PDE10A: variants seen among roughly 807,000 people sequenced by gnomAD.
The protein encoded by PDE10A is phosphodiesterase 10A.
In PDE10A, 39 loss-of-function variants were observed where a neutral mutation model predicts 97.7. That is an observed-to-expected ratio of 0.40 (90% CI 0.31 to 0.52). The LOEUF is 0.52. Among genes scored for constraint, PDE10A ranks in the 20% least tolerant of loss-of-function variants. PDE10A has a pLI of 0.56. For missense variants in PDE10A, 731 were observed against 1,047.8 expected (o/e 0.70, Z 4.17); for synonymous variants, 371 against 376.8 (o/e 0.98, Z 0.18).
At chr6:165,896,283 C>T (rs2128483303) in intron 1 of PDE10A, among the ~76,000 whole-genome samples, 1 of 152,252 alleles carries the variant, frequency 6.6e-6, no homozygotes, top group South Asian at 2.1e-4. Flanking sequence ...ATATTGAGGA[C>T]AGCTTCCATG....
intron 1 of PDE10A, among the ~76,000 whole-genome samples, chr6:165,549,791 A>G (rs528614805): frequency 6.6e-6 from 1 of 152,310 alleles, no homozygotes; most frequent in South Asian, 2.1e-4. Flanking sequence ...CATCACCTTA[A>G]TATCTATAAA....
intron 1 of PDE10A, among the ~76,000 whole-genome samples, chr6:165,778,624 A>C (rs1353835039): frequency 6.6e-6 from 1 of 152,206 alleles, no homozygotes; most frequent in Non-Finnish European, 1.5e-5. Context: ...TACTGAATAC[A>C]CAGTGCCTGA....
chr6:165,567,149 T>C (rs891873908), intron 1 of PDE10A, among the ~76,000 whole-genome samples: 7 of 152,180 alleles, frequency 4.6e-5, no homozygotes, highest in African/African-American at 1.7e-4. Context: ...TGGAATAATA[T>C]GAGTGAAGTA....
chr6:165,435,623 C>T (rs1789959230), intron 5 of PDE10A, among the ~76,000 whole-genome samples: 1 of 152,180 alleles, frequency 6.6e-6, no homozygotes, highest in African/African-American at 2.4e-5. Flanking sequence ...CAGAAACACT[C>T]TTCAAATAGC....
rs1160249149 is a variant in PDE10A, at chr6:165,331,140, C to A, written c.*1885G>T. Reference sequence around the variant, plus strand: ...TGTATGTGTATGTATCATATATACACATATGTATACGTTTACATACATGAG... The same window carrying A: ...TGTATGTGTATGTATCATATATACAAATATGTATACGTTTACATACATGAG... On this transcript the variant is annotated 3_prime_UTR_variant, in exon 22 of 22. Transcript: ENST00000539869. 6.6e-6 allele frequency: 1 copy of A among 152,084 alleles called. No individual in the cohort carries two copies. The highest frequency in any genetic ancestry group is 2.4e-5 in the African/African-American group (1 of 41,402). 9.4% of individuals were successfully genotyped at this position (152,084 alleles called of 1,614,324 possible).
intron 2 of PDE10A, among the ~76,000 whole-genome samples, chr6:165,493,176 A>T (rs1026781898): frequency 1.3e-4 from 20 of 152,208 alleles, no homozygotes. Context: ...CTGCTGAAAG[A>T]AATCACAGAC....
At chr6:165,363,978 A>T (rs1783599573) in intron 18 of PDE10A, among the ~76,000 whole-genome samples, 1 of 152,190 alleles carries the variant, frequency 6.6e-6, no homozygotes, top group South Asian at 2.1e-4. Context: ...TCTGCATCAG[A>T]ATCCTAGCTA....
chr6:165,751,092 G>A (rs1792988910), intron 1 of PDE10A, among the ~76,000 whole-genome samples: 1 of 152,172 alleles, frequency 6.6e-6, no homozygotes, highest in Admixed American at 6.5e-5. Flanking sequence ...AGGGAGCCAT[G>A]GCCTCAGTGG....
chr6:165,855,725 C>T (rs1780713013), intron 1 of PDE10A, among the ~76,000 whole-genome samples: 1 of 152,004 alleles, frequency 6.6e-6, no homozygotes. Flanking sequence ...CTAAAACTTT[C>T]AAACGGACAC....
chr6:165,621,241 G>T (rs755445529), intron 1 of PDE10A, among the ~76,000 whole-genome samples: 34 of 136,516 alleles, frequency 2.5e-4, no homozygotes, highest in Non-Finnish European at 4.1e-4. Flanking sequence ...AACATTTATA[G>T]AACTAAAAAA....
At chr6:165,445,161 T>A (rs1790751881) in intron 5 of PDE10A, among the ~76,000 whole-genome samples, 1 of 152,256 alleles carries the variant, frequency 6.6e-6, no homozygotes, top group East Asian at 1.9e-4. Context: ...TTCATTTAAT[T>A]TAATATGGTT....
chr6:165,441,594 T>C (rs765466685), intron 5 of PDE10A, among the ~76,000 whole-genome samples: 7 of 152,208 alleles, frequency 4.6e-5, no homozygotes, highest in Non-Finnish European at 8.8e-5. Context: ...TCCAAAATTA[T>C]TTCAATGCTA....
At chr6:165,596,223 G>A (rs1786583338) in intron 1 of PDE10A, among the ~76,000 whole-genome samples, 1 of 152,086 alleles carries the variant, frequency 6.6e-6, no homozygotes, top group African/African-American at 2.4e-5. Flanking sequence ...AAATACTGTT[G>A]GCTGTACCCT....
chr6:165,418,916 AT>A lies in PDE10A; in HGVS notation c.1654-140del. ...GTATTAGCATTATAAGTAAATAAATATACAAGTATATAAATATTTCATATAT... is the reference window on the plus strand; with the variant it reads ...GTATTAGCATTATAAGTAAATAAATAACAAGTATATAAATATTTCATATAT... On this transcript the variant is annotated intron_variant, in intron 10 of 21. Transcript: ENST00000539869. The surrounding 1 kb of genome is among the most constrained non-coding windows in gnomAD (Gnocchi z 4.8). 3.2e-6 allele frequency: 2 copies of A among 634,200 alleles called. No individual in the cohort carries two copies. The highest frequency in any genetic ancestry group is 5.9e-5 in the Admixed American group (2 of 34,086). 39.3% of individuals were successfully genotyped at this position (634,200 alleles called of 1,614,324 possible). A position where few individuals can be genotyped will look rare whatever the true frequency, so the allele number is the denominator to read the frequency against.
chr6:165,418,519 G>T lies in PDE10A; in HGVS notation c.1796+116C>A. 1 of 942,156 alleles carries T rather than the reference G, an allele frequency of 1.1e-6. No individual in the cohort carries two copies. The highest frequency in any genetic ancestry group is 1.6e-6 in the Non-Finnish European group (1 of 623,798). 58.4% of individuals were successfully genotyped at this position (942,156 alleles called of 1,614,324 possible). ...TCAGGAGGCGGGTCCTGGTGGGAAT[G>T]ATATCACAGTATGACAAGTATTGTC... On this transcript the variant is annotated intron_variant, in intron 11 of 21. Coordinates refer to ENST00000539869, the MANE Select transcript of PDE10A (RefSeq NM_001385079.1). This position sits in a 1 kb window ranked among gnomAD's most constrained non-coding sequence, Gnocchi z 4.8.
At chr6:165,900,031 G>T (rs780098372) in intron 1 of PDE10A, among the ~76,000 whole-genome samples, 1 of 152,192 alleles carries the variant, frequency 6.6e-6, no homozygotes, top group Admixed American at 6.5e-5. Flanking sequence ...ATGAGGCCAC[G>T]GGAGGCAAGC....
At chr6:165,862,038 T>C (rs1466215848) in intron 1 of PDE10A, among the ~76,000 whole-genome samples, 3 of 152,230 alleles carry the variant, frequency 2.0e-5, no homozygotes, top group Non-Finnish European at 4.4e-5. Context: ...CTGAGTCTCC[T>C]TCCAGCAGCC....
chr6:165,396,799 T>C (rs553105395), intron 13 of PDE10A, among the ~76,000 whole-genome samples: 2 of 152,338 alleles, frequency 1.3e-5, no homozygotes, highest in Non-Finnish European at 1.5e-5. Flanking sequence ...AGAAAATGAA[T>C]ATTTGTACTT....
intron 2 of PDE10A, among the ~76,000 whole-genome samples, chr6:165,488,553 A>G (rs1419549765): frequency 1.3e-5 from 2 of 152,198 alleles, no homozygotes; most frequent in African/African-American, 4.8e-5. Flanking sequence ...TTTTGCTCCA[A>G]GAACTACCAA....
Sources: allele counts gnomAD v4.1 joint callset (sites outside exome capture counted in the v4.1 genomes callset), GRCh38; gene constraint gnomAD v4.1.1; non-coding constraint Gnocchi (gnomAD v3.1); transcripts MANE v1.5; gene names NCBI Gene and HGNC (gene_info 2026-07-23, HGNC 2026-07-21).